LRRTM4: variants seen among roughly 807,000 people sequenced by gnomAD.
LRRTM4 encodes leucine-rich repeat transmembrane neuronal protein 4.
Under a neutral mutation model 47.6 loss-of-function variants are expected in LRRTM4, and 25 were observed. The ratio of observed to expected loss-of-function variants is 0.53; its 90% CI spans 0.38 to 0.73. LRRTM4 has a LOEUF of 0.73. Among genes scored for constraint, LRRTM4 ranks in the 30% least tolerant of loss-of-function variants. The pLI, the probability that LRRTM4 is intolerant of heterozygous loss-of-function variation, is 0.00. For synonymous variants in LRRTM4, 311 were observed against 269.5 expected, an observed-to-expected ratio of 1.15 and a Z score of -1.51; for missense variants, 638 against 713.4, an observed-to-expected ratio of 0.89 and a Z score of 1.20.
chr2:77,054,683 G>A (rs13410400), intron 3 of LRRTM4, among the ~76,000 whole-genome samples: 146 of 152,100 alleles, frequency 9.6e-4, no homozygotes, highest in Non-Finnish European at 1.5e-3. Context: ...TTTATAATTA[G>A]TAAGAGCTAC....
At chr2:76,898,433 A>C (rs1673497347) in intron 3 of LRRTM4, among the ~76,000 whole-genome samples, 1 of 151,804 alleles carries the variant, frequency 6.6e-6, no homozygotes, top group Non-Finnish European at 1.5e-5. Context: ...CATTTATAAA[A>C]GTTAGTATAG....
At chr2:76,948,591 A>G (rs1431976653) in intron 3 of LRRTM4, among the ~76,000 whole-genome samples, 4 of 151,844 alleles carry the variant, frequency 2.6e-5, no homozygotes, top group East Asian at 1.9e-4. Context: ...TGGTAACTTA[A>G]TAACAGCTCT....
chr2:77,338,792 C>G (rs1214625194), intron 3 of LRRTM4, among the ~76,000 whole-genome samples: 1 of 151,994 alleles, frequency 6.6e-6, no homozygotes, highest in East Asian at 1.9e-4. Context: ...ACAAAGACAC[C>G]TGCACTCGTA....
intron 3 of LRRTM4, among the ~76,000 whole-genome samples, chr2:77,068,214 T>A (rs1226653315): frequency 6.6e-6 from 1 of 152,166 alleles, no homozygotes; most frequent in East Asian, 1.9e-4. Context: ...CCTAAAAAAA[T>A]CTGCCTATTG....
intron 3 of LRRTM4, among the ~76,000 whole-genome samples, chr2:77,473,348 G>A (rs1011521944): frequency 1.3e-5 from 2 of 152,054 alleles, no homozygotes; most frequent in African/African-American, 2.4e-5. Context: ...GGATAAATAA[G>A]CTCATTTTTA....
At chr2:77,375,065 T>A (rs1002222896) in intron 3 of LRRTM4, among the ~76,000 whole-genome samples, 2 of 151,766 alleles carry the variant, frequency 1.3e-5, no homozygotes, top group African/African-American at 4.8e-5. Context: ...TTAAAAGTCA[T>A]ACATTCACTC....
chr2:77,517,734 A>T, intron 3 of LRRTM4: 1 of 985,514 alleles, frequency 1.0e-6, no homozygotes, highest in Non-Finnish European at 1.2e-6. Flanking sequence ...AGCCTGATAC[A>T]ATTACACAGT....
intron 3 of LRRTM4, among the ~76,000 whole-genome samples, chr2:77,000,140 A>G (rs74589094): frequency 2.5e-3 from 361 of 144,930 alleles, no homozygotes; most frequent in African/African-American, 9.0e-3. Context: ...ATACGGAGAA[A>G]GAGTGGGAAA....
At chr2:76,956,369 G>A (rs776342765) in intron 3 of LRRTM4, among the ~76,000 whole-genome samples, 1 of 151,182 alleles carries the variant, frequency 6.6e-6, no homozygotes, top group Non-Finnish European at 1.5e-5. Flanking sequence ...AAAGGTAAGG[G>A]GAACAATTTG....
chr2:77,020,037 T>G (rs187096267), intron 3 of LRRTM4, among the ~76,000 whole-genome samples: 30 of 152,182 alleles, frequency 2.0e-4, no homozygotes, highest in Non-Finnish European at 3.7e-4. Flanking sequence ...TTGGAAAACA[T>G]AAAATATACT....
intron 3 of LRRTM4, among the ~76,000 whole-genome samples, chr2:76,885,361 T>A (rs17333383): frequency 0.14 from 20,772 of 152,000 alleles, 1,718 homozygotes; most frequent in Admixed American, 0.21. Flanking sequence ...TATTGCCTGC[T>A]AGCATGTGCT....
At chr2:76,750,356 C>A (rs570495378) in intron 3 of LRRTM4, among the ~76,000 whole-genome samples, 2 of 152,306 alleles carry the variant, frequency 1.3e-5, no homozygotes, top group South Asian at 2.1e-4. Flanking sequence ...ATCTTCCTTT[C>A]GTTCCCTCAG....
chr2:76,803,939 G>C (rs1675833956), intron 3 of LRRTM4, among the ~76,000 whole-genome samples: 1 of 152,204 alleles, frequency 6.6e-6, no homozygotes, highest in African/African-American at 2.4e-5. Flanking sequence ...AAAACTTGAA[G>C]ACTGAGTCTC....
At chr2:76,892,110 AAATTT>A (rs1313944795) in intron 3 of LRRTM4, among the ~76,000 whole-genome samples, 2 of 151,764 alleles carry the variant, frequency 1.3e-5, no homozygotes, top group African/African-American at 2.4e-5. Context: ...AAAATAAAAT[AAATTT>A]AAGTCCAGTC....
chr2:77,348,816 CATT>C (rs1027206961), intron 3 of LRRTM4, among the ~76,000 whole-genome samples: 5 of 150,912 alleles, frequency 3.3e-5, no homozygotes, highest in African/African-American at 1.2e-4. Context: ...AAGCAGAACT[CATT>C]ATTACATGAG....
In LRRTM4 at chr2:77,234,303, A is replaced by G. The variant is rs561461460; in HGVS notation, c.1551+284015T>C. Among the ~76,000 whole-genome samples, 337 of 152,298 alleles carry G rather than the reference A, an allele frequency of 2.2e-3. 5 individuals carry two copies. The highest frequency in any genetic ancestry group is 7.6e-3 in the African/African-American group (314 of 41,580). ...ATCTCAGTTGATAGCCTACCCAACC[A>G]TAAAAATAGAAGAGACTAAAGGGGT... On this transcript the variant is annotated intron_variant, in intron 3 of 3. Transcript: ENST00000409884.
chr2:77,448,356 A>G (rs1676132814), intron 3 of LRRTM4, among the ~76,000 whole-genome samples: 1 of 152,222 alleles, frequency 6.6e-6, no homozygotes, highest in Non-Finnish European at 1.5e-5. Context: ...AGACGAAATT[A>G]TCACTCATGA....
rs538222541 is a variant in LRRTM4, at chr2:77,091,085, A to T, written c.1552-342169T>A. 5.0e-3 allele frequency among the ~76,000 whole-genome samples: 757 copies of T among 151,558 alleles called. 1 individual carries two copies. Among genetic ancestry groups the T allele is most frequent in the Non-Finnish European group, 8.3e-3 (559 of 67,580 alleles). On this transcript the variant is annotated intron_variant, in intron 3 of 3. Coordinates refer to ENST00000409884, the MANE Select transcript of LRRTM4 (RefSeq NM_001134745.3). ...TGGTGCCAGCTGAGACAATACTCTT[A>T]TAAGCACTCCTTTTTAGTTATCCCC...
At chr2:76,904,438 C>T (rs114749399) in intron 3 of LRRTM4, among the ~76,000 whole-genome samples, 2,203 of 152,238 alleles carry the variant, frequency 0.014, 70 homozygotes, top group African/African-American at 0.05. Context: ...ACTGACTTTA[C>T]GCTTTACAAT....
Sources: gnomAD v4.1 joint callset for allele counts (sites outside exome capture counted in the v4.1 genomes callset) on GRCh38, gnomAD v4.1.1 for gene constraint, MANE v1.5 for transcripts, NCBI Gene and HGNC (gene_info 2026-07-23, HGNC 2026-07-21) for gene names.